Variants in ACBD6 observed in about 807,000 individuals in gnomAD.
ACBD6 encodes acyl-CoA binding domain containing 6.
ACBD6 carries 28 observed loss-of-function variants against 37.2 expected under a neutral mutation model. The observed-to-expected ratio is 0.75, with a 90% confidence interval of 0.56 to 1.03. ACBD6 has a LOEUF of 1.03. Among genes scored for constraint, ACBD6 ranks in the 50% least tolerant of loss-of-function variants. The pLI is 0.00. For synonymous variants in ACBD6, 113 were observed against 126.8 expected (o/e 0.89, Z 0.73); for missense variants, 340 against 337.4 (o/e 1.01, Z -0.06).
intron 6 of ACBD6, among the ~76,000 whole-genome samples, chr1:180,339,914 G>T (rs1651912865): frequency 6.6e-6 from 1 of 151,956 alleles, no homozygotes; most frequent in African/African-American, 2.4e-5. Flanking sequence ...CTTAAAATAA[G>T]GAAGGCAGAG....
intron 3 of ACBD6, chr1:180,435,455 GTTAGCCAGGA>G: frequency 2.2e-6 from 1 of 456,160 alleles, no homozygotes; most frequent in Non-Finnish European, 3.9e-6. Context: ...GGGTTTCACC[GTTAGCCAGGA>G]TGGTCTCAAT....
chr1:180,483,430 A>T (rs966111253), intron 3 of ACBD6, among the ~76,000 whole-genome samples: 2 of 152,076 alleles, frequency 1.3e-5, no homozygotes, highest in Non-Finnish European at 2.9e-5. Flanking sequence ...ATTTACTATA[A>T]TATTTACTTT....
intron 3 of ACBD6, among the ~76,000 whole-genome samples, chr1:180,464,942 T>G (rs1650289712): frequency 6.6e-6 from 1 of 152,204 alleles, no homozygotes; most frequent in South Asian, 2.1e-4. Flanking sequence ...AAAGACTCCC[T>G]ATTCAATAAA....
At chr1:180,340,779 C>G (rs1405001504) in intron 6 of ACBD6, among the ~76,000 whole-genome samples, 5 of 151,880 alleles carry the variant, frequency 3.3e-5, no homozygotes, top group Admixed American at 2.0e-4. Context: ...GGAAAGTGAA[C>G]TATAAAAGCA....
chr1:180,439,409 C>A (rs1456061086), intron 3 of ACBD6, among the ~76,000 whole-genome samples: 1 of 151,990 alleles, frequency 6.6e-6, no homozygotes, highest in Non-Finnish European at 1.5e-5. Context: ...ATGGTGAAAC[C>A]CCGTCTCTAC....
chr1:180,495,343 C>T (rs1651690670), intron 2 of ACBD6, 118 bp downstream of exon 2: 10 of 735,996 alleles, frequency 1.4e-5, no homozygotes. Context: ...TTAGTACAAT[C>T]TACAGCAGAG....
intron 6 of ACBD6, among the ~76,000 whole-genome samples, chr1:180,391,800 G>C (rs963566450): frequency 6.6e-6 from 1 of 151,926 alleles, no homozygotes; most frequent in Non-Finnish European, 1.5e-5. Context: ...TCTACTCCTA[G>C]GTATACACCT....
At chr1:180,486,722 A>G (rs1420367129) in intron 3 of ACBD6, among the ~76,000 whole-genome samples, 1 of 152,252 alleles carries the variant, frequency 6.6e-6, no homozygotes, top group African/African-American at 2.4e-5. Context: ...TCATTAATTA[A>G]TTACAAAAGG....
chr1:180,474,934 C>T (rs911589251), intron 3 of ACBD6, among the ~76,000 whole-genome samples: 10 of 152,190 alleles, frequency 6.6e-5, no homozygotes, highest in Non-Finnish European at 1.3e-4. Flanking sequence ...TTCAGGGATT[C>T]TTTCAGGCTT....
rs969339977 is a variant in ACBD6, at chr1:180,374,648, A to G, written c.663+22868T>C. On this transcript the variant is annotated intron_variant, in intron 6 of 7. Coordinates refer to ENST00000367595, the MANE Select transcript of ACBD6 (RefSeq NM_032360.4). ...AGAAAATCAACAGGTGACTTAACAC[A>G]TTAGCCCAGACTTTTCAAAAGACTC... Among the ~76,000 whole-genome samples the G allele has an allele frequency of 4.6e-5, 7 of 152,320 alleles. No individual in the cohort carries two copies. The Middle Eastern group carries it at 0.02, about 444-fold the overall frequency.
intron 6 of ACBD6, among the ~76,000 whole-genome samples, chr1:180,371,643 G>GA (rs1390158668): frequency 6.6e-6 from 1 of 152,060 alleles, no homozygotes; most frequent in African/African-American, 2.4e-5. Flanking sequence ...CCAAAGTGAG[G>GA]AACACTGGAT....
intron 3 of ACBD6, chr1:180,438,528 G>C (rs1285410528): frequency 6.6e-6 from 1 of 152,644 alleles, no homozygotes; most frequent in African/African-American, 2.4e-5. Context: ...GTGAAATAAA[G>C]ACTACTAATT....
At chr1:180,440,100 A>C (rs1649220016) in intron 3 of ACBD6, among the ~76,000 whole-genome samples, 4 of 151,670 alleles carry the variant, frequency 2.6e-5, no homozygotes, top group Non-Finnish European at 5.9e-5. Flanking sequence ...ATTTGGAAAA[A>C]GTTTTTATTT....
At chr1:180,320,905 T>C (rs1558248586) in intron 6 of ACBD6, among the ~76,000 whole-genome samples, 2 of 152,148 alleles carry the variant, frequency 1.3e-5, no homozygotes, top group South Asian at 4.1e-4. Flanking sequence ...TGTTTTCTTG[T>C]AGTAGTTTCA....
intron 3 of ACBD6, among the ~76,000 whole-genome samples, chr1:180,470,883 C>T (rs1650539418): frequency 6.6e-6 from 1 of 152,086 alleles, no homozygotes; most frequent in Admixed American, 6.5e-5. Context: ...TATTTGAGAC[C>T]AAATGCCACT....
intron 6 of ACBD6, among the ~76,000 whole-genome samples, chr1:180,355,941 C>A (rs1652610786): frequency 6.6e-6 from 1 of 151,740 alleles, no homozygotes. Context: ...GATCTCGGCT[C>A]ACTACAACCT....
At chr1:180,406,838 C>G (rs1290831265) in intron 5 of ACBD6, among the ~76,000 whole-genome samples, 1 of 152,042 alleles carries the variant, frequency 6.6e-6, no homozygotes, top group Admixed American at 6.5e-5. Context: ...TTTCAAATAT[C>G]AGATAAATAC....
At chr1:180,471,083 C>A (rs1236824209) in intron 3 of ACBD6, among the ~76,000 whole-genome samples, 1 of 152,058 alleles carries the variant, frequency 6.6e-6, no homozygotes, top group African/African-American at 2.4e-5. Flanking sequence ...TTTCTTTGCT[C>A]CTAAGTGACG....
intron 7 of ACBD6, among the ~76,000 whole-genome samples, chr1:180,292,809 AG>A (rs1649766084): frequency 6.6e-6 from 1 of 152,190 alleles, no homozygotes; most frequent in Admixed American, 6.5e-5. Context: ...ACAGTCTTAG[AG>A]GGAAAGTGTT....
Sources: allele counts gnomAD v4.1 joint callset (sites outside exome capture counted in the v4.1 genomes callset), GRCh38; gene constraint gnomAD v4.1.1; transcripts MANE v1.5; gene names NCBI Gene and HGNC (gene_info 2026-07-23, HGNC 2026-07-21).